Variants in L3MBTL1 observed in about 807,000 individuals in gnomAD.
L3MBTL1 encodes lethal(3)malignant brain tumor-like protein 1.
In L3MBTL1, 75 loss-of-function variants were observed where a neutral mutation model predicts 105.3. The ratio of observed to expected loss-of-function variants is 0.71; its 90% CI spans 0.59 to 0.86. The LOEUF (loss-of-function observed/expected upper bound fraction) is 0.86. Among genes scored for constraint, L3MBTL1 ranks in the 40% least tolerant of loss-of-function variants. The pLI is 0.00. For synonymous variants in L3MBTL1, 452 were observed against 436.2 expected (o/e 1.04, Z -0.45); for missense variants, 1,069 against 1,126.4 (o/e 0.95, Z 0.73).
At position 43,530,289 on chromosome 20, in the gene L3MBTL1, T is replaced by G; in HGVS notation, c.1062T>G (p.Cys354Trp). ...GATTCCCCTCATGGGGCCAGGTATG[T>G]GGCTATCGCCTACGCCTGCACTTTG... Reference protein sequence around the residue: ...MYFILTVAEVCGYRLRLHFDG... With the variant: ...MYFILTVAEVWGYRLRLHFDG... Residue 354 changes from cysteine to tryptophan, a missense_variant, in exon 10 of 22, where the codon TGT becomes TGG. By Grantham distance (215) the Cys-to-Trp change is radical. Transcript: ENST00000418998. 1.2e-6 allele frequency: 2 copies of G among 1,613,976 alleles called. No individual in the cohort carries two copies. Among genetic ancestry groups the G allele is most frequent in the Non-Finnish European group, 1.7e-6 (2 of 1,179,950 alleles).
rs544022951 is a variant in L3MBTL1, at chr20:43,514,940, G to C, written c.503-69G>C. On this transcript the variant is annotated intron_variant, in intron 4 of 21. Coordinates refer to ENST00000418998, the MANE Select transcript of L3MBTL1 (RefSeq NM_001377303.1). The stretch of plus-strand genomic sequence containing the variant: ...GACCGAGGCGGAGGCAGGGCCTGAG[G>C]GGGCGTGGGCGGAGCCTGAGTGTGG... The C allele has an allele frequency of 3.2e-6, 5 of 1,564,916 alleles. No individual in the cohort carries two copies. The Admixed American group carries it at 7.1e-5, about 22-fold the overall frequency.
At chr20:43,513,438 C>T in intron 1 of L3MBTL1, 38 bp from the exon 2 acceptor site, 1 of 1,524,334 alleles carries the variant, frequency 6.6e-7, no homozygotes, top group Non-Finnish European at 8.8e-7. Flanking sequence ...AACAAAGGTC[C>T]CCACCTGATC....
At chr20:43,525,177 T>C (rs1206838908) in intron 7 of L3MBTL1, among the ~76,000 whole-genome samples, 1 of 150,578 alleles carries the variant, frequency 6.6e-6, no homozygotes, top group African/African-American at 2.4e-5. Flanking sequence ...ACTGGATGAA[T>C]GGATGGTGGC....
chr20:43,515,743 A>C (rs2018356242), intron 6 of L3MBTL1, among the ~76,000 whole-genome samples: 1 of 152,244 alleles, frequency 6.6e-6, no homozygotes, highest in Non-Finnish European at 1.5e-5. Context: ...AAGGCCAGGG[A>C]ACACCCAGGG....
At chr20:43,517,453 G>T (rs1600901332) in intron 7 of L3MBTL1, among the ~76,000 whole-genome samples, 1 of 151,976 alleles carries the variant, frequency 6.6e-6, no homozygotes, top group Non-Finnish European at 1.5e-5. Flanking sequence ...GCCCAAGCTG[G>T]CGTGTAGAGC....
chr20:43,548,486 G>T, exon 19 of L3MBTL1: 1 of 260,706 alleles, frequency 3.8e-6, no homozygotes. Flanking sequence ...ACTGGCAGGG[G>T]CATTACTCAT....
intron 19 of L3MBTL1, chr20:43,539,378 G>C (rs1353806687): frequency 6.5e-6 from 1 of 153,740 alleles, no homozygotes; most frequent in Non-Finnish European, 1.4e-5. Context: ...AGCAGCCAGA[G>C]GGGGATGAAG....
At chr20:43,542,383 G>A (rs1308509429), downstream of L3MBTL1, among the ~76,000 whole-genome samples, 2 of 152,050 alleles carry the variant, frequency 1.3e-5, no homozygotes, top group African/African-American at 2.4e-5. Flanking sequence ...TCATGTACGT[G>A]TCCAGAGCTG....
At chr20:43,514,189 C>G (rs960933417) in intron 3 of L3MBTL1, 128 bp downstream of exon 3, 44 of 887,764 alleles carry the variant, frequency 5.0e-5, no homozygotes, top group Non-Finnish European at 7.2e-5. Context: ...TAGGGGTGGG[C>G]TTTGAGTGAG....
intron 7 of L3MBTL1, among the ~76,000 whole-genome samples, chr20:43,516,525 G>A (rs1476345796): frequency 6.6e-6 from 1 of 152,162 alleles, no homozygotes; most frequent in Non-Finnish European, 1.5e-5. Context: ...GCCTGCACTG[G>A]TCATTGGTCT....
chr20:43,515,427 G>T lies in L3MBTL1; in HGVS notation c.777+12G>T. 3.2e-6 allele frequency: 5 copies of T among 1,552,990 alleles called. No individual in the cohort carries two copies. The highest frequency in any genetic ancestry group is 3.5e-6 in the Non-Finnish European group (4 of 1,146,970). On this transcript the variant is annotated intron_variant, in intron 6 of 21. Transcript: ENST00000418998. ...AGCCAGAGGCCATGGTAGGAAGAGG[G>T]CAGTGGGGAAGGGAGGGGGAAGCTA...
intron 1 of L3MBTL1, among the ~76,000 whole-genome samples, chr20:43,510,406 C>CTTTTTT (rs11476429): frequency 4.7e-5 from 6 of 127,568 alleles, no homozygotes; most frequent in South Asian, 2.4e-4. Context: ...TTCTTTCTTT[C>CTTTTTT]TTTTTTTTTT....
Position 43,534,918 on chromosome 20 carries a change from G to A in L3MBTL1, c.1801G>A (p.Gly601Arg). 1.9e-6 allele frequency: 3 copies of A among 1,606,212 alleles called. No individual in the cohort carries two copies. Among genetic ancestry groups the A allele is most frequent in the Non-Finnish European group, 2.5e-6 (3 of 1,178,918 alleles). The change falls in exon 16 of 22, where the codon GGA (glycine) becomes AGA (arginine). Residue 601 changes from glycine to arginine, a missense_variant. Transcript: ENST00000418998. ...CCCTGCCGGCTGGTGCTCCAAGACA[G>A]GACATCCCCTGCAGCCTCCTCTCGG... ...IHPAGWCSKT[G>R]HPLQPPLGPR... is the part of the protein sequence containing the mutation.
chr20:43,514,185 T>C (rs2018231006), intron 3 of L3MBTL1, 124 bp downstream of exon 3: 2 of 915,326 alleles, frequency 2.2e-6, no homozygotes, highest in Non-Finnish European at 3.3e-6. Flanking sequence ...GCCCTAGGGG[T>C]GGGCTTTGAG....
In L3MBTL1 at chr20:43,548,148, C is replaced by T. The variant is rs746270078; in HGVS notation, c.2162C>T (p.Ala721Val). 1.1e-5 allele frequency: 14 copies of T among 1,304,152 alleles called. No individual in the cohort carries two copies. The Admixed American group carries it at 1.6e-4, about 15-fold the overall frequency. The allele number at this position is 1,304,152 out of a possible 1,614,324, so 80.8% of individuals were successfully genotyped here. Residue 721 changes from alanine (A) to valine (V), a missense_variant, in exon 19 of 19, where the codon GCG becomes GTG. By Grantham distance (64) the Ala-to-Val change is moderately conservative (BLOSUM62 0). Coordinates refer to the L3MBTL1 transcript ENST00000422861. ...GAGGCCTTCCTTTTGCTGACACAGGCGGACATTGTGAAGATCATGAGCGTC... is the reference window on the plus strand; with the variant it reads ...GAGGCCTTCCTTTTGCTGACACAGGTGGACATTGTGAAGATCATGAGCGTC...
In L3MBTL1 at chr20:43,507,699, C is replaced by G. The variant is rs993194942; in HGVS notation, c.-74C>G. 6.6e-6 allele frequency: 1 copy of G among 152,108 alleles called. No homozygotes were observed. The highest frequency in any genetic ancestry group is 1.5e-5 in the Non-Finnish European group (1 of 68,010). 9.4% of individuals were successfully genotyped at this position (152,108 alleles called of 1,614,324 possible). A position where few individuals can be genotyped will look rare whatever the true frequency, so the allele number is the denominator to read the frequency against. ...GAACGCGCAGGCGCGCGGCGCCCGG[C>G]TCGGACCGTAGCTAGGCGCTGGGCG... On this transcript the variant is annotated 5_prime_UTR_variant, in exon 1 of 22. Coordinates refer to ENST00000418998, the MANE Select transcript of L3MBTL1 (RefSeq NM_001377303.1).
chr20:43,534,823 C>A lies in L3MBTL1; in HGVS notation c.1711-5C>A. ...GCCTGACTTCCAAGAGCCTTTCCTC[C>A]CCAGATCCACTTTGATGGCTGGAGT... On this transcript the variant is annotated splice_region_variant and splice_polypyrimidine_tract_variant and intron_variant, in intron 15 of 21. Transcript: ENST00000418998. 1 of 1,606,358 alleles carries A rather than the reference C, an allele frequency of 6.2e-7. No individual in the cohort carries two copies. Among genetic ancestry groups the A allele is most frequent in the Non-Finnish European group, 8.5e-7 (1 of 1,176,022 alleles).
intron 7 of L3MBTL1, 104 bp from the exon 8 acceptor site, chr20:43,528,553 A>G (rs1449058337): frequency 1.2e-6 from 1 of 816,196 alleles, no homozygotes; most frequent in Non-Finnish European, 2.1e-6. Context: ...AACACAGACA[A>G]AGATTTGTTT....
At chr20:43,538,792 A>C (rs1217068729) in intron 19 of L3MBTL1, among the ~76,000 whole-genome samples, 1 of 152,178 alleles carries the variant, frequency 6.6e-6, no homozygotes, top group Non-Finnish European at 1.5e-5. Flanking sequence ...GCTCCCTACA[A>C]ACTTGATGTT....
Sources: gnomAD v4.1 joint callset for allele counts (sites outside exome capture counted in the v4.1 genomes callset) on GRCh38, gnomAD v4.1.1 for gene constraint, MANE v1.5 for transcripts, NCBI Gene and HGNC (gene_info 2026-07-23, HGNC 2026-07-21) for gene names.